The following DAB1 variants were observed in gnomAD, a reference collection of about 807,000 sequenced individuals.
The protein encoded by DAB1 is DAB adaptor protein 1, also known as disabled homolog 1.
Under a neutral mutation model 64.6 loss-of-function variants are expected in DAB1, and 15 were observed. That is an observed-to-expected ratio of 0.23 (90% CI 0.16 to 0.36). The LOEUF (loss-of-function observed/expected upper bound fraction) is 0.36. Among genes scored for constraint, DAB1 ranks in the 10% least tolerant of loss-of-function variants. The pLI, the probability that DAB1 is intolerant of heterozygous loss-of-function variation, is 1.00. For missense variants in DAB1, 596 were observed against 706.7 expected, an observed-to-expected ratio of 0.84 and a Z score of 1.78; for synonymous variants, 235 against 251.9, an observed-to-expected ratio of 0.93 and a Z score of 0.64.
chr1:57,804,398 C>T (rs1651268973), intron 6 of DAB1, among the ~76,000 whole-genome samples: 1 of 152,154 alleles, frequency 6.6e-6, no homozygotes, highest in African/African-American at 2.4e-5. Flanking sequence ...GCAAATGGCT[C>T]AGTGGTCTGG....
At chr1:58,428,570 T>A (rs907820709) in intron 3 of DAB1, among the ~76,000 whole-genome samples, 2 of 152,236 alleles carry the variant, frequency 1.3e-5, no homozygotes, top group Non-Finnish European at 2.9e-5. Flanking sequence ...AGATATTTGA[T>A]AACATTGAGA....
At chr1:57,351,786 A>G (rs1334609739) in intron 1 of DAB1, among the ~76,000 whole-genome samples, 2 of 152,106 alleles carry the variant, frequency 1.3e-5, no homozygotes, top group East Asian at 1.9e-4. Flanking sequence ...CATGGGGCCA[A>G]TCAGTTGCAA....
chr1:57,697,617 A>G (rs1208191760), intron 6 of DAB1, among the ~76,000 whole-genome samples: 3 of 152,142 alleles, frequency 2.0e-5, no homozygotes, highest in African/African-American at 7.2e-5. Context: ...GACTTACTGA[A>G]TTTAAAGATT....
At chr1:58,480,573 G>C (rs1477750908) in intron 3 of DAB1, 4 of 160,854 alleles carry the variant, frequency 2.5e-5, no homozygotes, top group Admixed American at 1.9e-4. Flanking sequence ...CCTTCAGACT[G>C]TTTCCCCCTT....
intron 2 of DAB1, among the ~76,000 whole-genome samples, chr1:57,276,536 T>C (rs1433903472): frequency 1.3e-5 from 2 of 152,208 alleles, no homozygotes; most frequent in African/African-American, 2.4e-5. Context: ...AATATGTTTG[T>C]AATGTGAGGT....
At chr1:57,913,355 A>C (rs367997857) in intron 5 of DAB1, among the ~76,000 whole-genome samples, 1 of 152,216 alleles carries the variant, frequency 6.6e-6, no homozygotes, top group East Asian at 1.9e-4. Flanking sequence ...AGGATTCCCT[A>C]TTTAATAAAT....
chr1:57,601,183 C>T (rs560723207), intron 7 of DAB1, among the ~76,000 whole-genome samples: 6 of 152,170 alleles, frequency 3.9e-5, no homozygotes, highest in East Asian at 1.9e-4. Context: ...CTATACTTCC[C>T]GAGAGAGTCA....
intron 4 of DAB1, among the ~76,000 whole-genome samples, chr1:58,290,374 CA>C (rs1661787694): frequency 6.6e-6 from 1 of 152,016 alleles, no homozygotes. Context: ...ACAGAATGAA[CA>C]GTATGAGCAA....
chr1:57,827,859 G>A (rs374512391), intron 1 of DAB1, among the ~76,000 whole-genome samples: 5 of 152,164 alleles, frequency 3.3e-5, no homozygotes, highest in African/African-American at 1.2e-4. Flanking sequence ...ACCTTGCTCC[G>A]GGTCCTATAC....
At chr1:57,038,445 G>A (rs1182752510) in intron 9 of DAB1, among the ~76,000 whole-genome samples, 2 of 152,168 alleles carry the variant, frequency 1.3e-5, no homozygotes, top group African/African-American at 4.8e-5. Flanking sequence ...ATGCCAAAAT[G>A]TGCCAGGCCT....
At chr1:57,504,903 C>G (rs1644327368) in intron 7 of DAB1, among the ~76,000 whole-genome samples, 1 of 152,094 alleles carries the variant, frequency 6.6e-6, no homozygotes, top group African/African-American at 2.4e-5. Context: ...CCACAAAATG[C>G]CTCAGCAGAA....
chr1:57,149,454 TAAGGTTCC>T (rs1659456153), intron 2 of DAB1, among the ~76,000 whole-genome samples: 3 of 152,238 alleles, frequency 2.0e-5, no homozygotes, highest in Non-Finnish European at 4.4e-5. Flanking sequence ...TAGCAAAATA[TAAGGTTCC>T]AATTTCTTTA....
At chr1:58,021,632 A>G (rs1007914536) in intron 5 of DAB1, among the ~76,000 whole-genome samples, 4 of 152,232 alleles carry the variant, frequency 2.6e-5, no homozygotes, top group African/African-American at 9.6e-5. Flanking sequence ...TGAGGCAAGT[A>G]TGGAATATGG....
intron 1 of DAB1, among the ~76,000 whole-genome samples, chr1:57,296,598 T>G (rs1340081494): frequency 1.3e-5 from 2 of 152,178 alleles, no homozygotes; most frequent in African/African-American, 4.8e-5. Context: ...GAAGCCATCA[T>G]GAAGAGTTCT....
chr1:57,713,555 C>T (rs2101748255), intron 6 of DAB1, among the ~76,000 whole-genome samples: 1 of 152,220 alleles, frequency 6.6e-6, no homozygotes, highest in Admixed American at 6.5e-5. Flanking sequence ...AATGGGAAGG[C>T]ATTTTGGAAG....
chr1:58,457,427 A>G (rs1388651319), intron 3 of DAB1, among the ~76,000 whole-genome samples: 1 of 152,218 alleles, frequency 6.6e-6, no homozygotes, highest in Non-Finnish European at 1.5e-5. Context: ...GCTCCAGCTC[A>G]GTGACAGCCA....
chr1:57,833,826 A>G (rs1231787150), intron 1 of DAB1, among the ~76,000 whole-genome samples: 2 of 152,098 alleles, frequency 1.3e-5, no homozygotes, highest in South Asian at 2.1e-4. Flanking sequence ...GAGGAAAGAA[A>G]CTCATTTTGT....
intron 3 of DAB1, among the ~76,000 whole-genome samples, chr1:58,363,046 G>A (rs1644182506): frequency 6.6e-6 from 1 of 152,158 alleles, no homozygotes; most frequent in East Asian, 1.9e-4. Context: ...GCTCTCTGCT[G>A]TCTCTTCTTA....
At chr1:58,466,861 T>G (rs1223991606) in intron 3 of DAB1, among the ~76,000 whole-genome samples, 6 of 152,196 alleles carry the variant, frequency 3.9e-5, no homozygotes, top group Non-Finnish European at 8.8e-5. Flanking sequence ...GTTGGGGGAC[T>G]CCTTGTGGTG....
Sources: allele counts gnomAD v4.1 joint callset (sites outside exome capture counted in the v4.1 genomes callset), GRCh38; gene constraint gnomAD v4.1.1; transcripts MANE v1.5; gene names NCBI Gene and HGNC (gene_info 2026-07-23, HGNC 2026-07-21).